MRPL38: variants seen among roughly 807,000 people sequenced by gnomAD.
MRPL38 encodes the protein mitochondrial ribosomal protein L38, also known as large ribosomal subunit protein mL38.
In MRPL38, 51 loss-of-function variants were observed where a neutral mutation model predicts 52.1. The observed-to-expected ratio is 0.98, with a 90% CI of 0.78 to 1.24. The LOEUF is 1.24. Among genes scored for constraint, MRPL38 ranks in the 50% most tolerant of loss-of-function variants. The pLI, the probability that MRPL38 is intolerant of heterozygous loss-of-function variation, is 0.00. For missense variants in MRPL38, 527 were observed against 518.6 expected (o/e 1.02, Z -0.16); for synonymous variants, 245 against 212.7 (o/e 1.15, Z -1.32).
In MRPL38 at chr17:75,899,504, G is replaced by T; in HGVS notation, c.869+12C>A. 6.4e-7 allele frequency: 1 copy of T among 1,570,742 alleles called. No homozygotes were observed. Among genetic ancestry groups the T allele is most frequent in the South Asian group, 1.2e-5 (1 of 85,622 alleles). On this transcript the variant is annotated intron_variant, in intron 7 of 8. Transcript: ENST00000309352. ...GCCTGAGGCCGGGTTATGTGTGGGTGGTGTAGATTACCAGGGTGAGGGGCG... is the reference window on the plus strand; with the variant it reads ...GCCTGAGGCCGGGTTATGTGTGGGTTGTGTAGATTACCAGGGTGAGGGGCG...
chr17:75,902,744 C>A (rs889044106), intron 2 of MRPL38, among the ~76,000 whole-genome samples: 7 of 152,184 alleles, frequency 4.6e-5, no homozygotes, highest in African/African-American at 1.7e-4. Flanking sequence ...TTCTTTGAGA[C>A]AGAATCTCAC....
In MRPL38 at chr17:75,904,809, C is replaced by A; in HGVS notation, c.67G>T (p.Ala23Ser). The A allele has an allele frequency of 6.6e-7, 1 of 1,523,938 alleles. No individual in the cohort carries two copies. Among genetic ancestry groups the A allele is most frequent in the Admixed American group, 2.0e-5 (1 of 50,220 alleles). The allele number at this position is 1,523,938 out of a possible 1,614,324, so 94.4% of individuals were successfully genotyped here. A position where few individuals can be genotyped will look rare whatever the true frequency, so the allele number is the denominator to read the frequency against. Residue 23 changes from alanine (A) to serine (S), a missense_variant and splice_region_variant, in exon 1 of 9, where the codon GCC becomes TCC. By Grantham distance (99) the Ala-to-Ser change is moderately conservative (BLOSUM62 1). Transcript: ENST00000309352. ...CCCCGCAGAGCTGCCCACCCCTCAC[C>A]CGAGGTGCTGAAGCCCCGCCATCTC... ...CRRWRGFSTS[A>S]VLGRRTPPLG...
intron 2 of MRPL38, 93 bp downstream of exon 2, chr17:75,904,447 G>T: frequency 7.4e-7 from 1 of 1,349,816 alleles, no homozygotes; most frequent in Non-Finnish European, 1.0e-6. Flanking sequence ...CCACAAGGGC[G>T]CCGGCAAGGC....
In MRPL38 at chr17:75,900,894, C is replaced by T. The variant is rs867146964; in HGVS notation, c.710+88G>A. The T allele has an allele frequency of 7.8e-5, 118 of 1,516,722 alleles. 1 individual carries two copies. In the South Asian group the frequency reaches 1.5e-3, roughly 19 times the overall value. 94.0% of individuals were successfully genotyped at this position (1,516,722 alleles called of 1,614,324 possible). ...TGAATTCAAGGTCCCATGGGTAGTCCATGAAACTCAGGAGCAGCTCAGTCC... is the reference window on the plus strand; with the variant it reads ...TGAATTCAAGGTCCCATGGGTAGTCTATGAAACTCAGGAGCAGCTCAGTCC... On this transcript the variant is annotated intron_variant, in intron 6 of 8. Coordinates refer to ENST00000309352, the MANE Select transcript of MRPL38 (RefSeq NM_032478.4).
In MRPL38 at chr17:75,901,889, C is replaced by T; in HGVS notation, c.414G>A (p.Glu138=). ...ASVPLDAVRA[E]WERTCGPYHK... ...GGTAGGGGCCACAGGTCCTCTCCCACTCGGCCCGCACGGCATCCAGCGGGA... is the reference window on the plus strand; with the variant it reads ...GGTAGGGGCCACAGGTCCTCTCCCATTCGGCCCGCACGGCATCCAGCGGGA... The change falls in exon 4 of 9, where the codon GAG becomes GAA. Residue 138 remains glutamate (E), a synonymous_variant. Transcript: ENST00000309352. The surrounding 1 kb of genome is among the most constrained non-coding windows in gnomAD (Gnocchi z 5.7). 6.2e-7 allele frequency: 1 copy of T among 1,611,878 alleles called. No individual in the cohort carries two copies. The highest frequency in any genetic ancestry group is 1.1e-5 in the South Asian group (1 of 90,960).
At chr17:75,902,268 T>C in intron 2 of MRPL38, 114 bp from the exon 3 acceptor site, 2 of 1,220,128 alleles carry the variant, frequency 1.6e-6, no homozygotes, top group Non-Finnish European at 2.3e-6. Flanking sequence ...CTCATCTGGC[T>C]AATTTTTGTA....
rs143444007 is a variant in MRPL38, at chr17:75,899,551, C to T, written c.834G>A (p.Pro278=). The change falls in exon 7 of 9, where the codon CCG becomes CCA. Residue 278 remains proline, a synonymous_variant. Coordinates refer to ENST00000309352, the MANE Select transcript of MRPL38 (RefSeq NM_032478.4). ...GGCGTGCGTCCTCAGAGAAGTCAAT[C>T]GGCTGGTCCTGCTTGAAGAGCAGGA... ...LAFLLFKQDQ[P]IDFSEDARPS... 20 of 1,600,758 alleles carry T rather than the reference C, an allele frequency of 1.2e-5. No individual in the cohort carries two copies. The highest frequency in any genetic ancestry group is 3.3e-5 in the South Asian group (3 of 89,906).
intron 2 of MRPL38, 48 bp downstream of exon 2, chr17:75,904,492 C>T (rs746714340): frequency 4.1e-6 from 6 of 1,470,576 alleles, no homozygotes; most frequent in Non-Finnish European, 5.4e-6. Flanking sequence ...CGGCGGGTCC[C>T]GAGTTCCCCG....
intron 2 of MRPL38, 120 bp downstream of exon 2, chr17:75,904,420 C>T: frequency 9.0e-7 from 1 of 1,108,162 alleles, no homozygotes; most frequent in Admixed American, 2.2e-5. Context: ...GGCAGGCCCT[C>T]CCAGCGTCCC....
Position 75,901,670 on chromosome 17 carries a change from G to A in MRPL38, c.591+42C>T. 6.4e-7 allele frequency: 1 copy of A among 1,561,644 alleles called. No individual in the cohort carries two copies. Among genetic ancestry groups the A allele is most frequent in the Non-Finnish European group, 8.8e-7 (1 of 1,133,062 alleles). On this transcript the variant is annotated intron_variant, in intron 4 of 8. Transcript: ENST00000309352. This position sits in a 1 kb window ranked among gnomAD's most constrained non-coding sequence, Gnocchi z 5.7. ...TGACACTGAGATGGGATGTGTCTGT[G>A]TTTGCACAGGGCAGGGAGGAGGGGC...
rs758130664 is a variant in MRPL38 at position 75,899,631 on chromosome 17, A to T, written c.754T>A (p.Cys252Ser). The change falls in exon 7 of 9, where the codon TGT becomes AGT. Residue 252 changes from cysteine to serine, a missense_variant. Transcript: ENST00000309352. ...GNRVAEGQVTCPYLPPFPARG... is the reference protein window; with the variant it reads ...GNRVAEGQVTSPYLPPFPARG... ...GCAGGGAAGGGGGGGAGGTAGGGAC[A>T]CGTCACCTGTCCTTCAGCCACCCGG... 1 of 1,599,590 alleles carries T rather than the reference A, an allele frequency of 6.3e-7. No individual in the cohort carries two copies. The highest frequency in any genetic ancestry group is 8.5e-7 in the Non-Finnish European group (1 of 1,172,220).
In MRPL38 at chr17:75,901,886, C is replaced by A. The variant is rs765655360; in HGVS notation, c.417G>T (p.Trp139Cys). Residue 139 changes from tryptophan to cysteine, a missense_variant, in exon 4 of 9, where the codon TGG becomes TGT. Physicochemically the swap from Trp to Cys is radical, Grantham distance 215. Coordinates refer to ENST00000309352, the MANE Select transcript of MRPL38 (RefSeq NM_032478.4). The surrounding 1 kb of genome is among the most constrained non-coding windows in gnomAD (Gnocchi z 5.7). ...SVPLDAVRAEWERTCGPYHKQ... is the reference protein window; with the variant it reads ...SVPLDAVRAECERTCGPYHKQ... ...TGTGGTAGGGGCCACAGGTCCTCTC[C>A]CACTCGGCCCGCACGGCATCCAGCG... 6.2e-7 allele frequency: 1 copy of A among 1,612,662 alleles called. No homozygotes were observed. Among genetic ancestry groups the A allele is most frequent in the East Asian group, 2.2e-5 (1 of 44,844 alleles).
rs199546937 is a variant in MRPL38 at position 75,902,133 on chromosome 17, A to G, written c.269T>C (p.Ile90Thr). The change falls in exon 3 of 9, where the codon ATT (isoleucine) becomes ACT (threonine). Residue 90 changes from isoleucine to threonine, a missense_variant. Ile to Thr is a moderately conservative substitution (Grantham distance 89, BLOSUM62 -1). Coordinates refer to ENST00000309352, the MANE Select transcript of MRPL38 (RefSeq NM_032478.4). ...EKTDPKEKID[I>T]GLPPPKVSRT... ...GGAGACTTTGGGTGGAGGCAGCCCAATATCAATCTTCTCTTTGGGATCTGG... is the reference window on the plus strand; with the variant it reads ...GGAGACTTTGGGTGGAGGCAGCCCAGTATCAATCTTCTCTTTGGGATCTGG... 9 of 1,568,950 alleles carry G rather than the reference A, an allele frequency of 5.7e-6. No individual in the cohort carries two copies. Among genetic ancestry groups the G allele is most frequent in the Middle Eastern group, 1.7e-4 (1 of 6,012 alleles).
In MRPL38 at chr17:75,901,769, A is replaced by C. The variant is rs772216911; in HGVS notation, c.534T>G (p.Ala178=). The C allele has an allele frequency of 1.9e-6, 3 of 1,613,620 alleles. No homozygotes were observed. Among genetic ancestry groups the C allele is most frequent in the Middle Eastern group, 1.6e-4 (1 of 6,062 alleles). Residue 178 remains alanine, a synonymous_variant, in exon 4 of 9, where the codon GCT becomes GCG. Coordinates refer to ENST00000309352, the MANE Select transcript of MRPL38 (RefSeq NM_032478.4). This position sits in a 1 kb window ranked among gnomAD's most constrained non-coding sequence, Gnocchi z 5.7. ...CAGGCATCAGGTCATCCTCACCCAC[A>C]GCGTAGGCCACGTGCAGGGGGACTC... ...VPRVPLHVAY[A]VGEDDLMPVY... is the part of the protein sequence containing the mutation.
At chr17:75,904,768 C>CCGGGGGGGGGGGGGGGG in intron 1 of MRPL38, 41 bp downstream of exon 1, 2 of 1,056,376 alleles carry the variant, frequency 1.9e-6, no homozygotes, top group Non-Finnish European at 1.2e-6. Context: ...GCTCGGGCGA[C>CCGGGGGGGGGGGGGGGG]AGCCCCCCCC....
rs1599470990 is a variant in MRPL38 at position 75,898,677 on chromosome 17, A to C, written c.*173T>G. The C allele has an allele frequency of 7.3e-6, 5 of 687,224 alleles. No homozygotes were observed. The South Asian group carries it at 9.6e-5, about 13-fold the overall frequency. 42.6% of individuals were successfully genotyped at this position (687,224 alleles called of 1,614,324 possible). ...GAAATCATGTTTATTCACATTCCCC[A>C]CCCCACCACCTGAGAGTCACTTTCA... On this transcript the variant is annotated 3_prime_UTR_variant, in exon 9 of 9. Coordinates refer to ENST00000309352, the MANE Select transcript of MRPL38 (RefSeq NM_032478.4).
At chr17:75,900,739 G>C in intron 6 of MRPL38, 1 of 1,097,140 alleles carries the variant, frequency 9.1e-7, no homozygotes, top group East Asian at 3.7e-5. Context: ...AAAAAAAAAA[G>C]AAAAGAAAAG....
intron 6 of MRPL38, chr17:75,900,744 GA>G: frequency 8.3e-7 from 1 of 1,202,750 alleles, no homozygotes; most frequent in Non-Finnish European, 1.1e-6. Context: ...AAAAAGAAAA[GA>G]AAAGATGAGG....
chr17:75,903,894 A>T (rs542779223), intron 2 of MRPL38, among the ~76,000 whole-genome samples: 64 of 151,850 alleles, frequency 4.2e-4, no homozygotes, highest in African/African-American at 1.4e-3. Context: ...ACGCCCAGTT[A>T]ATTTTGTATT....
Sources: allele counts gnomAD v4.1 joint callset (sites outside exome capture counted in the v4.1 genomes callset), GRCh38; gene constraint gnomAD v4.1.1; non-coding constraint Gnocchi (gnomAD v3.1); transcripts MANE v1.5; gene names NCBI Gene and HGNC (gene_info 2026-07-23, HGNC 2026-07-21).